MYOM1: variants seen among roughly 807,000 people sequenced by gnomAD.
The protein encoded by MYOM1 is myomesin-1.
MYOM1 carries 164 observed loss-of-function variants against 205.3 expected under a neutral mutation model. That is an observed-to-expected ratio of 0.80 (90% CI 0.70 to 0.91). The LOEUF (loss-of-function observed/expected upper bound fraction) is 0.91, where lower values mean the gene tolerates loss of function less well. Among genes scored for constraint, MYOM1 ranks in the 40% least tolerant of loss-of-function variants. The pLI, the probability that MYOM1 is intolerant of heterozygous loss-of-function variation, is 0.00. For synonymous variants in MYOM1, 772 were observed against 789.4 expected, an observed-to-expected ratio of 0.98 and a Z score of 0.37; for missense variants, 2,011 against 2,127.3, an observed-to-expected ratio of 0.95 and a Z score of 1.08.
In MYOM1 at chr18:3,164,259, GT is replaced by G. The variant is rs750594795; in HGVS notation, c.1501+18del. 4 of 1,608,248 alleles carry G rather than the reference GT, an allele frequency of 2.5e-6. No individual in the cohort carries two copies. The South Asian group carries it at 4.5e-5, about 18-fold the overall frequency. On this transcript the variant is annotated intron_variant, in intron 10 of 37. Coordinates refer to ENST00000356443, the MANE Select transcript of MYOM1 (RefSeq NM_003803.4). ...TGTACTAAATATTGTTAGGTGTTTT[GT>G]TTTTTGCTAGGACTTACCTCGAACA...
At chr18:3,089,342 T>C in intron 28 of MYOM1, 101 bp from the exon 29 acceptor site, 1 of 983,828 alleles carries the variant, frequency 1.0e-6, no homozygotes, top group South Asian at 1.8e-5. Context: ...GAAGTCAGAT[T>C]TTTAAAATTC....
At chr18:3,164,923 T>G (rs1567944843) in intron 9 of MYOM1, among the ~76,000 whole-genome samples, 1 of 148,038 alleles carries the variant, frequency 6.8e-6, no homozygotes, top group Admixed American at 6.9e-5. Context: ...TCATCAAAAT[T>G]TATACTTTTA....
the MYOM1 span, among the ~76,000 whole-genome samples, chr18:3,234,420 G>A: frequency 3.3e-5 from 5 of 152,142 alleles, no homozygotes; most frequent in African/African-American, 2.4e-5. Context: ...AGCTGGAAAC[G>A]TTCATTGTCA....
At chr18:3,123,915 G>A (rs1007850599) in intron 19 of MYOM1, among the ~76,000 whole-genome samples, 8 of 150,458 alleles carry the variant, frequency 5.3e-5, no homozygotes, top group Non-Finnish European at 1.2e-4. Context: ...TCCACCTCCC[G>A]GGTTCAAGTG....
chr18:3,133,425 T>C (rs1401456989), intron 16 of MYOM1, among the ~76,000 whole-genome samples: 1 of 152,128 alleles, frequency 6.6e-6, no homozygotes, highest in Non-Finnish European at 1.5e-5. Context: ...GCAAAGCTGA[T>C]TGATAAAATA....
intron 21 of MYOM1, among the ~76,000 whole-genome samples, chr18:3,115,944 A>AT (rs1271982758): frequency 1.3e-5 from 2 of 152,126 alleles, no homozygotes; most frequent in African/African-American, 4.8e-5. Flanking sequence ...TGTGAACTTT[A>AT]TAAAAACAGC....
At chr18:3,138,663 C>A (rs1179919493) in intron 14 of MYOM1, among the ~76,000 whole-genome samples, 1 of 152,100 alleles carries the variant, frequency 6.6e-6, no homozygotes, top group African/African-American at 2.4e-5. Flanking sequence ...CTGGCAAATT[C>A]TTAAGCTGTT....
intron 10 of MYOM1, among the ~76,000 whole-genome samples, chr18:3,157,308 GCATTCATTCTCTCATTCATTCTCTCATT>G (rs1358744848): frequency 6.6e-6 from 1 of 152,106 alleles, no homozygotes; most frequent in Non-Finnish European, 1.5e-5. Context: ...AGTTACTCAG[GCATTCATTCTCTCATTCATTCTCTCATT>G]CATTCATTCT....
intron 33 of MYOM1, among the ~76,000 whole-genome samples, 158 bp from the exon 34 acceptor site, chr18:3,079,500 A>G (rs1168627176): frequency 6.6e-6 from 1 of 152,076 alleles, no homozygotes; most frequent in African/African-American, 2.4e-5. Context: ...ATTATGGGCC[A>G]TGACACACAG....
chr18:3,182,829 CTA>C (rs1456367756), intron 5 of MYOM1, among the ~76,000 whole-genome samples: 1 of 151,070 alleles, frequency 6.6e-6, no homozygotes, highest in African/African-American at 2.4e-5. Context: ...ATTTTCCCTT[CTA>C]TGTCGACAGA....
rs1401263582 is a variant in MYOM1 at position 3,155,099 on chromosome 18, A to G, written c.1502-11T>C. 2.5e-6 allele frequency: 4 copies of G among 1,606,828 alleles called. No homozygotes were observed. The highest frequency in any genetic ancestry group is 3.4e-6 in the Non-Finnish European group (4 of 1,176,160). ...TCTCTGCATCAGCATCTGTGGAGAC[A>G]GAGAAGGATCCCATTAACCCTCTCA... On this transcript the variant is annotated splice_polypyrimidine_tract_variant and intron_variant, in intron 10 of 37. Transcript: ENST00000356443.
At chr18:3,215,734 T>C (rs978843933) in intron 1 of MYOM1, among the ~76,000 whole-genome samples, 2 of 152,174 alleles carry the variant, frequency 1.3e-5, no homozygotes, top group Admixed American at 1.3e-4. Flanking sequence ...CCTGTCATTG[T>C]ACCTTTTTTT....
At chr18:3,181,639 A>G (rs1198991664) in intron 5 of MYOM1, among the ~76,000 whole-genome samples, 1 of 151,306 alleles carries the variant, frequency 6.6e-6, no homozygotes, top group Non-Finnish European at 1.5e-5. Flanking sequence ...CTTTGTAACT[A>G]TTTTATTCCT....
At chr18:3,155,293 C>T (rs1567938739) in intron 10 of MYOM1, among the ~76,000 whole-genome samples, 1 of 152,212 alleles carries the variant, frequency 6.6e-6, no homozygotes, top group African/African-American at 2.4e-5. Context: ...GGGATCTCAG[C>T]TCACTGCAAG....
chr18:3,166,646 G>A (rs904851522), intron 9 of MYOM1, among the ~76,000 whole-genome samples: 25 of 151,928 alleles, frequency 1.6e-4, no homozygotes, highest in African/African-American at 4.8e-4. Flanking sequence ...TAACCTCTCC[G>A]TGCCTTTGTT....
upstream of MYOM1, among the ~76,000 whole-genome samples, chr18:3,221,271 C>T (rs1295051431): frequency 6.6e-6 from 1 of 152,192 alleles, no homozygotes; most frequent in Non-Finnish European, 1.5e-5. Flanking sequence ...CCACCTGCCT[C>T]AGTCTCACAA....
chr18:3,247,040 C>A, the MYOM1 span: 1 of 152,236 alleles, frequency 6.6e-6, no homozygotes, highest in East Asian at 1.9e-4. Flanking sequence ...GGGGAAGAGT[C>A]GCCTTCCTTC....
At chr18:3,087,770 A>G (rs4997352) in intron 29 of MYOM1, among the ~76,000 whole-genome samples, 133,936 of 152,156 alleles carry the variant, frequency 0.88, 59,316 homozygotes, top group Middle Eastern at 0.93. Flanking sequence ...GATTACAGGC[A>G]TGAGCCACCG....
At chr18:3,072,700 G>T (rs935307385) in intron 36 of MYOM1, among the ~76,000 whole-genome samples, 6 of 149,680 alleles carry the variant, frequency 4.0e-5, no homozygotes, top group Non-Finnish European at 8.9e-5. Context: ...GTGTGTGTGT[G>T]GGGGGCGGTG....
Sources: gnomAD v4.1 joint callset for allele counts (sites outside exome capture counted in the v4.1 genomes callset) on GRCh38, gnomAD v4.1.1 for gene constraint, MANE v1.5 for transcripts, NCBI Gene and HGNC (gene_info 2026-07-23, HGNC 2026-07-21) for gene names.